Variants in E2F3 observed in about 807,000 individuals in gnomAD.
The protein encoded by E2F3 is E2F transcription factor 3.
In E2F3, 11 loss-of-function variants were observed where a neutral mutation model predicts 44.4. The observed-to-expected ratio is 0.25, with a 90% CI of 0.16 to 0.41. E2F3 has a LOEUF of 0.41. Among genes scored for constraint, E2F3 ranks in the 10% least tolerant of loss-of-function variants. E2F3 has a pLI of 1.00. For missense variants in E2F3, 487 were observed against 583.6 expected, an observed-to-expected ratio of 0.83 and a Z score of 1.70; for synonymous variants, 249 against 253.0, an observed-to-expected ratio of 0.98 and a Z score of 0.15.
Position 20,453,550 on chromosome 6 carries a change from G to A in E2F3, c.394-26296G>A, listed in dbSNP as rs201340090. ...TTGCCTCAGCCTCCTGAGTAGCTGG[G>A]ACCACAGGTGCACACCACCATGCCT... On this transcript the variant is annotated intron_variant, in intron 1 of 6. Transcript: ENST00000346618. Among the ~76,000 whole-genome samples the A allele has an allele frequency of 6.0e-4, 91 of 152,212 alleles. No homozygotes were observed. The East Asian group carries it at 0.017, about 28-fold the overall frequency.
intron 1 of E2F3, among the ~76,000 whole-genome samples, chr6:20,425,502 C>T (rs975181915): frequency 6.6e-6 from 1 of 151,920 alleles, no homozygotes; most frequent in African/African-American, 2.4e-5. Context: ...GATTCTTCTG[C>T]CTCAGCCGCC....
intron 1 of E2F3, among the ~76,000 whole-genome samples, chr6:20,458,380 C>G (rs1301318082): frequency 6.6e-6 from 1 of 152,066 alleles, no homozygotes; most frequent in African/African-American, 2.4e-5. Flanking sequence ...AACCCCTAAT[C>G]TATAAATTAA....
chr6:20,403,756 T>TCCGGGCCCCCTCTCCAG (rs1759392104), intron 1 of E2F3: 1 of 1,475,726 alleles, frequency 6.8e-7, no homozygotes, highest in African/African-American at 1.5e-5. Flanking sequence ...TGTTCGGCCC[T>TCCGGGCCCCCTCTCCAG]CCGGGCCCCC....
chr6:20,421,825 GCTATCCTCCCACCTCAGCCTC>G (rs1167086566), intron 1 of E2F3: 1 of 152,400 alleles, frequency 6.6e-6, no homozygotes, highest in East Asian at 1.9e-4. Context: ...CTGGGCTCAA[GCTATCCTCCCACCTCAGCCTC>G]CTGAGTAGCT....
intron 1 of E2F3, among the ~76,000 whole-genome samples, chr6:20,430,336 C>T (rs1207594838): frequency 6.6e-6 from 1 of 152,154 alleles, no homozygotes; most frequent in Non-Finnish European, 1.5e-5. Context: ...AAAGATAGGA[C>T]TCAGGATAAT....
intron 1 of E2F3, among the ~76,000 whole-genome samples, chr6:20,463,834 G>A (rs915338584): frequency 5.9e-5 from 9 of 152,122 alleles, no homozygotes; most frequent in African/African-American, 1.7e-4. Context: ...GCTGAGCCCC[G>A]CACAACTGTC....
At chr6:20,461,032 A>G (rs1367052814) in intron 1 of E2F3, among the ~76,000 whole-genome samples, 1 of 140,514 alleles carries the variant, frequency 7.1e-6, no homozygotes, top group African/African-American at 2.6e-5. Context: ...AAAGCCATGT[A>G]TATTTTAAAT....
chr6:20,403,700 TCCCCA>T, intron 1 of E2F3: 1 of 559,300 alleles, frequency 1.8e-6, no homozygotes, highest in South Asian at 2.0e-5. Context: ...CCCTCTCCTC[TCCCCA>T]CCCCCCCACC....
intron 1 of E2F3, among the ~76,000 whole-genome samples, chr6:20,470,633 T>C (rs1329288236): frequency 1.3e-5 from 2 of 152,340 alleles, no homozygotes; most frequent in East Asian, 1.9e-4. Context: ...TTGTTCAAAA[T>C]ACCTGTCTCG....
chr6:20,464,232 T>C (rs1184760889), intron 1 of E2F3, among the ~76,000 whole-genome samples: 1 of 152,160 alleles, frequency 6.6e-6, no homozygotes, highest in African/African-American at 2.4e-5. Context: ...TGGGCTGTTG[T>C]CTGTTCACCT....
At chr6:20,471,247 A>G (rs770347571) in intron 1 of E2F3, among the ~76,000 whole-genome samples, 2 of 152,186 alleles carry the variant, frequency 1.3e-5, no homozygotes, top group Non-Finnish European at 2.9e-5. Context: ...ATATAAATGT[A>G]TAATAACTTA....
At chr6:20,406,455 A>G (rs1191501023) in intron 1 of E2F3, among the ~76,000 whole-genome samples, 1 of 152,234 alleles carries the variant, frequency 6.6e-6, no homozygotes, top group Non-Finnish European at 1.5e-5. Context: ...GAAATAGTGT[A>G]AGGCCAGGTG....
intron 1 of E2F3, among the ~76,000 whole-genome samples, chr6:20,457,439 G>A (rs1199350278): frequency 2.7e-5 from 4 of 145,936 alleles, no homozygotes; most frequent in South Asian, 2.2e-4. Flanking sequence ...CGACCACCTC[G>A]GCCTCCCAAA....
chr6:20,482,599 AAT>A (rs148425868), intron 3 of E2F3, among the ~76,000 whole-genome samples, 161 bp from the exon 4 acceptor site: 12,645 of 134,322 alleles, frequency 0.094, 704 homozygotes, highest in East Asian at 0.23. Flanking sequence ...TGAAAAAAAA[AAT>A]ATATATATAT....
intron 3 of E2F3, among the ~76,000 whole-genome samples, chr6:20,481,734 T>A (rs746408861): frequency 6.6e-6 from 1 of 152,144 alleles, no homozygotes; most frequent in Non-Finnish European, 1.5e-5. Context: ...TACATAGATG[T>A]CTGTGTGCAC....
At chr6:20,465,422 G>A (rs1269785779) in intron 1 of E2F3, among the ~76,000 whole-genome samples, 1 of 152,138 alleles carries the variant, frequency 6.6e-6, no homozygotes, top group Admixed American at 6.5e-5. Flanking sequence ...TAAAACATTT[G>A]TTTTAACCTC....
intron 1 of E2F3, among the ~76,000 whole-genome samples, chr6:20,460,790 G>A (rs965773512): frequency 5.3e-5 from 8 of 151,688 alleles, no homozygotes; most frequent in African/African-American, 1.9e-4. Context: ...GAGGTCAGGA[G>A]TTCGAGACCA....
chr6:20,432,219 T>C (rs1760425773), intron 1 of E2F3, among the ~76,000 whole-genome samples: 2 of 152,218 alleles, frequency 1.3e-5, no homozygotes, highest in South Asian at 4.1e-4. Context: ...GGCCTCAAGA[T>C]TGTGGCTGTT....
rs959073583 is a variant in E2F3 at position 20,466,790 on chromosome 6, C to A, written c.394-13056C>A. ...CTCCGCCTGCCGGGTTCAAGCAGTT[C>A]TCTGCCTCAGCCTCCCAAGTAGCTG... is the stretch of plus-strand genomic sequence containing the variant. On this transcript the variant is annotated intron_variant, in intron 1 of 6. Coordinates refer to ENST00000346618, the MANE Select transcript of E2F3 (RefSeq NM_001949.5). Among the ~76,000 whole-genome samples, 4 of 151,084 alleles carry A rather than the reference C, an allele frequency of 2.6e-5. No individual in the cohort carries two copies. In the South Asian group the frequency reaches 8.4e-4, roughly 32 times the overall value.
Sources: allele counts gnomAD v4.1 joint callset (sites outside exome capture counted in the v4.1 genomes callset), GRCh38; gene constraint gnomAD v4.1.1; transcripts MANE v1.5; gene names NCBI Gene and HGNC (gene_info 2026-07-23, HGNC 2026-07-21).